Variants in PLLP observed in about 807,000 individuals in gnomAD.
The protein encoded by PLLP is plasma membrane proteolipid (plasmolipin).
In PLLP, 15 loss-of-function variants were observed where a neutral mutation model predicts 19.7. The ratio of observed to expected loss-of-function variants is 0.76; its 90% CI spans 0.51 to 1.17. The LOEUF is 1.17. PLLP is among the 50% of genes most tolerant of loss of function. The pLI is 0.00. For missense variants in PLLP, 255 were observed against 258.3 expected, an observed-to-expected ratio of 0.99 and a Z score of 0.09; for synonymous variants, 111 against 116.3, an observed-to-expected ratio of 0.95 and a Z score of 0.29.
At chr16:57,262,743 A>T (rs1365729157) in intron 1 of PLLP, among the ~76,000 whole-genome samples, 1 of 152,076 alleles carries the variant, frequency 6.6e-6, no homozygotes, top group Non-Finnish European at 1.5e-5. Context: ...AAAAAATAGA[A>T]AAAAATTTAA....
At chr16:57,265,667 A>G (rs2075454675) in intron 1 of PLLP, among the ~76,000 whole-genome samples, 1 of 152,184 alleles carries the variant, frequency 6.6e-6, no homozygotes, top group Non-Finnish European at 1.5e-5. Flanking sequence ...CAAATGTTCT[A>G]TCTGTTATTC....
At chr16:57,274,697 C>A (rs1437920816) in intron 1 of PLLP, among the ~76,000 whole-genome samples, 1 of 151,970 alleles carries the variant, frequency 6.6e-6, no homozygotes, top group African/African-American at 2.4e-5. Context: ...AGGCGATCTG[C>A]CTGCCTCGGC....
intron 1 of PLLP, among the ~76,000 whole-genome samples, chr16:57,263,910 G>T (rs568172610): frequency 6.6e-6 from 1 of 152,196 alleles, no homozygotes; most frequent in Non-Finnish European, 1.5e-5. Flanking sequence ...TGGCACCAAG[G>T]CTGCGTAGTG....
chr16:57,257,738 TG>T lies in PLLP; in HGVS notation c.433-710del, dbSNP rs1272542452. On this transcript the variant is annotated intron_variant, in intron 3 of 3. Transcript: ENST00000219207. ...ACGTGGGCCCAGAGTTTGGGTTTCATGGGAGAGCCTATGAATCTCCCAGAAT... is the reference window on the plus strand; with the variant it reads ...ACGTGGGCCCAGAGTTTGGGTTTCATGGAGAGCCTATGAATCTCCCAGAAT... 2.0e-5 allele frequency among the ~76,000 whole-genome samples: 3 copies of T among 152,222 alleles called. No homozygotes were observed. The East Asian group carries it at 5.8e-4, about 29-fold the overall frequency.
At chr16:57,280,223 G>A (rs11648683) in intron 1 of PLLP, among the ~76,000 whole-genome samples, 83,354 of 152,020 alleles carry the variant, frequency 0.55, 23,210 homozygotes, top group South Asian at 0.74. Context: ...TTTCCAGATC[G>A]AAGTGCAAAG....
At chr16:57,262,764 T>C (rs2075445920) in intron 1 of PLLP, among the ~76,000 whole-genome samples, 1 of 152,082 alleles carries the variant, frequency 6.6e-6, no homozygotes, top group Admixed American at 6.6e-5. Flanking sequence ...AAAGGAATGC[T>C]GACTTGGCTC....
chr16:57,257,114 G>A (rs1567528216), intron 3 of PLLP, 85 bp from the exon 4 acceptor site: 5 of 942,980 alleles, frequency 5.3e-6, no homozygotes, highest in Admixed American at 1.8e-5. Context: ...GGCAGGAGGG[G>A]TTGTGGCAGC....
At chr16:57,280,450 C>G (rs1045101179) in intron 1 of PLLP, among the ~76,000 whole-genome samples, 1 of 151,586 alleles carries the variant, frequency 6.6e-6, no homozygotes, top group African/African-American at 2.4e-5. Context: ...CTTCTGCATT[C>G]TTCCACCTGA....
chr16:57,258,636 G>T, intron 2 of PLLP, 52 bp from the exon 3 acceptor site: 1 of 1,587,400 alleles, frequency 6.3e-7, no homozygotes, highest in Non-Finnish European at 8.6e-7. Context: ...AAGACACAAA[G>T]AGAGGCCAGA....
intron 1 of PLLP, among the ~76,000 whole-genome samples, chr16:57,274,150 A>G (rs1039495582): frequency 6.6e-5 from 10 of 151,688 alleles, no homozygotes; most frequent in African/African-American, 2.4e-4. Context: ...TACCTGGCTA[A>G]TTTTTAAATT....
At chr16:57,262,695 A>G (rs2075445705) in intron 1 of PLLP, among the ~76,000 whole-genome samples, 1 of 152,194 alleles carries the variant, frequency 6.6e-6, no homozygotes, top group African/African-American at 2.4e-5. Context: ...TGATCATGCC[A>G]CTGCATGCCA....
chr16:57,262,788 C>T (rs773109356), intron 1 of PLLP, among the ~76,000 whole-genome samples: 2 of 152,126 alleles, frequency 1.3e-5, no homozygotes, highest in Non-Finnish European at 2.9e-5. Context: ...TGATACACCA[C>T]TGTACCGGGG....
chr16:57,257,806 G>A (rs1416345899), intron 3 of PLLP, among the ~76,000 whole-genome samples: 1 of 152,208 alleles, frequency 6.6e-6, no homozygotes. Context: ...TTGTCAGTGG[G>A]AGAGCATGTT....
chr16:57,257,092 G>T, intron 3 of PLLP, 63 bp from the exon 4 acceptor site: 1 of 1,182,652 alleles, frequency 8.5e-7, no homozygotes, highest in East Asian at 2.3e-5. Context: ...GCTCCAACCA[G>T]ATCTCAGGCC....
chr16:57,267,961 A>G (rs946740586), intron 1 of PLLP, among the ~76,000 whole-genome samples: 2 of 151,948 alleles, frequency 1.3e-5, no homozygotes, highest in Non-Finnish European at 2.9e-5. Context: ...GTTATACTGG[A>G]TTGGGGGCAT....
chr16:57,284,619 C>A lies in PLLP; in HGVS notation c.-79G>T. 1.6e-6 allele frequency: 2 copies of A among 1,250,574 alleles called. No homozygotes were observed. The highest frequency in any genetic ancestry group is 2.0e-6 in the Non-Finnish European group (2 of 984,886). 77.5% of individuals were successfully genotyped at this position (1,250,574 alleles called of 1,614,324 possible). ...GCGGTGGGTGCCGGCTCCCGCGCCG[C>A]TTTTCCCCCAGGCTCCGGATCCCTG... is the stretch of plus-strand genomic sequence containing the variant. On this transcript the variant is annotated 5_prime_UTR_variant, in exon 1 of 4. Coordinates refer to ENST00000219207, the MANE Select transcript of PLLP (RefSeq NM_015993.3).
chr16:57,259,988 A>C (rs1470511600), intron 2 of PLLP, among the ~76,000 whole-genome samples: 1 of 152,000 alleles, frequency 6.6e-6, no homozygotes, highest in Non-Finnish European at 1.5e-5. Context: ...AAAAAAAAAA[A>C]AAAAAACTTA....
At chr16:57,283,759 G>A (rs1411817673) in intron 1 of PLLP, among the ~76,000 whole-genome samples, 1 of 152,234 alleles carries the variant, frequency 6.6e-6, no homozygotes, top group Non-Finnish European at 1.5e-5. Flanking sequence ...CCGTGGGGCT[G>A]GCTAAACCGG....
chr16:57,270,389 A>G (rs2075470998), intron 1 of PLLP, among the ~76,000 whole-genome samples: 1 of 146,368 alleles, frequency 6.8e-6, no homozygotes. Context: ...ATGGCCCCTG[A>G]GTGCTTCCCA....
Sources: gnomAD v4.1 joint callset for allele counts (sites outside exome capture counted in the v4.1 genomes callset) on GRCh38, gnomAD v4.1.1 for gene constraint, MANE v1.5 for transcripts, NCBI Gene and HGNC (gene_info 2026-07-23, HGNC 2026-07-21) for gene names.